The following CLEC12A variants were observed in gnomAD, a reference collection of about 807,000 sequenced individuals.
The protein encoded by CLEC12A is C-type lectin domain family 12 member A.
A neutral mutation model predicts 26.5 loss-of-function variants in CLEC12A; 22 were observed. The ratio of observed to expected loss-of-function variants is 0.83; its 90% CI spans 0.59 to 1.19. The LOEUF is 1.19. Among genes scored for constraint, CLEC12A ranks in the 50% most tolerant of loss-of-function variants. CLEC12A has a pLI of 0.00. For synonymous variants in CLEC12A, 119 were observed against 101.9 expected, an observed-to-expected ratio of 1.17 and a Z score of -1.01; for missense variants, 353 against 315.6, an observed-to-expected ratio of 1.12 and a Z score of -0.90.
At chr12:9,973,652 T>G (rs977004686) in intron 1 of CLEC12A, among the ~76,000 whole-genome samples, 1 of 152,154 alleles carries the variant, frequency 6.6e-6, no homozygotes, top group Admixed American at 6.5e-5. Flanking sequence ...TTTTTTTTGT[T>G]GTTATTTAAA....
upstream of CLEC12A, among the ~76,000 whole-genome samples, chr12:9,966,653 C>A (rs1177723540): frequency 6.6e-5 from 10 of 151,978 alleles, no homozygotes; most frequent in Admixed American, 5.9e-4. Context: ...GGAATTGCAA[C>A]TCAGAAATAT....
In CLEC12A at chr12:9,971,688, G is replaced by A. The variant is rs148336258; in HGVS notation, c.91+1G>A. 2,647 of 1,608,434 alleles carry A rather than the reference G, an allele frequency of 1.6e-3. 4 individuals are homozygous for A. The highest frequency in any genetic ancestry group is 2.0e-3 in the Non-Finnish European group (2,317 of 1,177,316). ...GAAATTGGCAAATTTGGGGAAAAAG[G>A]TAAGATTTTGAGTTATGGATGTGTT... On this transcript the variant is annotated splice_donor_variant, in intron 1 of 5. Coordinates refer to ENST00000304361, the MANE Select transcript of CLEC12A (RefSeq NM_138337.6). LOFTEE classifies it high-confidence loss of function.
At chr12:9,977,722 ATATC>A (rs1167742987) in intron 1 of CLEC12A, among the ~76,000 whole-genome samples, 1 of 152,120 alleles carries the variant, frequency 6.6e-6, no homozygotes, top group African/African-American at 2.4e-5. Context: ...TCTCACTTAT[ATATC>A]TATTTATCTA....
intron 1 of CLEC12A, among the ~76,000 whole-genome samples, chr12:9,963,549 C>T (rs562754955): frequency 1.3e-5 from 2 of 151,860 alleles, no homozygotes; most frequent in African/African-American, 4.8e-5. Context: ...GGCAGAAAGT[C>T]TTAAACTGAT....
chr12:9,993,252 T>A, intron 4 of CLEC12A: 1 of 1,612,912 alleles, frequency 6.2e-7, no homozygotes, highest in South Asian at 1.1e-5. Context: ...ATAAGCACAA[T>A]TCATATTTCC....
At chr12:9,976,338 G>C (rs994300954) in intron 1 of CLEC12A, among the ~76,000 whole-genome samples, 2 of 152,214 alleles carry the variant, frequency 1.3e-5, no homozygotes, top group African/African-American at 4.8e-5. Context: ...CAGGAGCAGA[G>C]CTGCCCAAAG....
At chr12:9,955,367 G>T (rs2137092264) in intron 1 of CLEC12A, among the ~76,000 whole-genome samples, 1 of 152,276 alleles carries the variant, frequency 6.6e-6, no homozygotes, top group South Asian at 2.1e-4. Context: ...GATTACAGGT[G>T]TAAGCAATCA....
At chr12:9,955,608 T>C (rs894564118) in intron 1 of CLEC12A, among the ~76,000 whole-genome samples, 1 of 152,202 alleles carries the variant, frequency 6.6e-6, no homozygotes, top group Non-Finnish European at 1.5e-5. Flanking sequence ...GTGTGGGTCA[T>C]TTCCAATTAT....
chr12:9,978,279 T>A (rs1049678828), intron 1 of CLEC12A, among the ~76,000 whole-genome samples: 1 of 28,550 alleles, frequency 3.5e-5, no homozygotes, highest in African/African-American at 1.5e-4. Context: ...ATAATTCCTG[T>A]TTTTTTTTTA....
chr12:9,995,326 C>T (rs1399963895), exon 5 of CLEC12A: 4 of 1,191,160 alleles, frequency 3.4e-6, no homozygotes, highest in Non-Finnish European at 5.0e-6. Context: ...CATGATAAGA[C>T]GTTGGACAAA....
exon 5 of CLEC12A, chr12:9,995,281 T>C: frequency 6.5e-7 from 1 of 1,536,876 alleles, no homozygotes; most frequent in Non-Finnish European, 9.0e-7. Flanking sequence ...ATGGTCAGAA[T>C]CCCTCCACAG....
At chr12:9,987,395 A>C (rs1024008308), downstream of CLEC12A, among the ~76,000 whole-genome samples, 2 of 152,182 alleles carry the variant, frequency 1.3e-5, no homozygotes, top group African/African-American at 4.8e-5. Context: ...TCTCTGTTCA[A>C]TATTGTCATT....
chr12:10,004,453 T>G, the CLEC12A span, among the ~76,000 whole-genome samples: 1 of 151,206 alleles, frequency 6.6e-6, no homozygotes. Flanking sequence ...TCCTCTGGAG[T>G]TTGGCCATCC....
At chr12:9,997,191 C>T (rs184365704), downstream of CLEC12A, 56 of 1,613,842 alleles carry the variant, frequency 3.5e-5, no homozygotes, top group African/African-American at 6.0e-4. Flanking sequence ...ATTGTTTTAC[C>T]ACATATTGAC....
At position 9,995,315 on chromosome 12, in the gene CLEC12A, T is replaced by C; in HGVS notation, n.1302T>C. On this transcript the variant is annotated non_coding_transcript_exon_variant, in exon 5 of 5. Coordinates refer to the CLEC12A transcript ENST00000449959. ...AGCTCTTGGTATGATAGACAAAGCT[T>C]CATGATAAGACGTTGGACAAAAAAT... 3 of 1,329,294 alleles carry C rather than the reference T, an allele frequency of 2.3e-6. No homozygotes were observed. The South Asian group carries it at 3.5e-5, about 16-fold the overall frequency. The allele number at this position is 1,329,294 out of a possible 1,614,324, so 82.3% of individuals were successfully genotyped here.
At chr12:9,961,560 T>C (rs961371487) in intron 1 of CLEC12A, among the ~76,000 whole-genome samples, 6 of 152,068 alleles carry the variant, frequency 3.9e-5, no homozygotes, top group Admixed American at 2.6e-4. Context: ...AAAATTTAGA[T>C]AAAATGTATA....
In CLEC12A at chr12:9,980,647, G is replaced by C. The variant is rs1475648047; in HGVS notation, c.445G>C (p.Asp149His). Residue 149 changes from aspartate (D) to histidine (H), a missense_variant, in exon 4 of 6, where the codon GAT becomes CAT. Transcript: ENST00000304361. ...WHKDSCYFLS[D>H]DVQTWQESKM... ...TAAGGACAGCTGTTATTTCCTAAGT[G>C]ATGATGTCCAAACATGGCAGGAGAG... The C allele has an allele frequency of 1.2e-6, 2 of 1,613,882 alleles. No homozygotes were observed. Among genetic ancestry groups the C allele is most frequent in the Admixed American group, 3.3e-5 (2 of 59,976 alleles).
chr12:9,961,672 G>A (rs1405369673), intron 1 of CLEC12A, among the ~76,000 whole-genome samples: 1 of 151,976 alleles, frequency 6.6e-6, no homozygotes, highest in African/African-American at 2.4e-5. Flanking sequence ...CTTTTTGGTA[G>A]GAAGATCATT....
chr12:9,998,307 G>T (rs745683812), downstream of CLEC12A: 2 of 1,613,794 alleles, frequency 1.2e-6, no homozygotes, highest in Non-Finnish European at 8.5e-7. Flanking sequence ...CCACCAGCCC[G>T]ACAACCATCC....
Sources: allele counts gnomAD v4.1 joint callset (sites outside exome capture counted in the v4.1 genomes callset), GRCh38; gene constraint gnomAD v4.1.1; transcripts MANE v1.5; gene names NCBI Gene and HGNC (gene_info 2026-07-23, HGNC 2026-07-21).